The following SLC9B1 variants were observed in gnomAD, a reference collection of about 807,000 sequenced individuals.
SLC9B1 encodes the protein sodium/hydrogen exchanger 9B1.
Under a neutral mutation model 51.7 loss-of-function variants are expected in SLC9B1, and 32 were observed. The ratio of observed to expected loss-of-function variants is 0.62; its 90% CI spans 0.47 to 0.83. SLC9B1 has a LOEUF of 0.83. SLC9B1 is among the 40% of genes least tolerant of loss of function. The pLI is 0.00. For synonymous variants in SLC9B1, 145 were observed against 212.7 expected (o/e 0.68, Z 2.77); for missense variants, 406 against 613.2 (o/e 0.66, Z 3.57).
At chr4:102,932,783 C>A (rs1736523937) in intron 6 of SLC9B1, among the ~76,000 whole-genome samples, 1 of 152,156 alleles carries the variant, frequency 6.6e-6, no homozygotes, top group Non-Finnish European at 1.5e-5. Flanking sequence ...GCAGGAGAGA[C>A]CTCTGGGGAA....
chr4:102,944,683 T>C (rs904287551), intron 6 of SLC9B1, among the ~76,000 whole-genome samples: 4 of 152,226 alleles, frequency 2.6e-5, no homozygotes, highest in African/African-American at 7.2e-5. Flanking sequence ...TACAGACTTA[T>C]TTTGAGGAAT....
chr4:102,930,997 G>A (rs1736422022), intron 7 of SLC9B1, among the ~76,000 whole-genome samples: 1 of 151,924 alleles, frequency 6.6e-6, no homozygotes, highest in African/African-American at 2.4e-5. Flanking sequence ...GGCCGAGGCG[G>A]GCGGATCATG....
At position 102,951,960 on chromosome 4, in the gene SLC9B1, C is replaced by CT. The variant is rs765709645; in HGVS notation, c.212-2534dup. Among the ~76,000 whole-genome samples the CT allele has an allele frequency of 2.6e-3, 17 of 6,552 alleles. 5 individuals carry two copies. Among genetic ancestry groups the CT allele is most frequent in the Admixed American group, 0.013 (5 of 400 alleles). The allele number at this position is 6,552 out of a possible 152,430, so 4.3% of individuals were successfully genotyped here. ...AGACTACCAAAGGCAAAAATAAAAT[C>CT]TTTTTTTTTTTTTTTTTTTTATTAT... On this transcript the variant is annotated intron_variant, in intron 3 of 11. Transcript: ENST00000296422.
rs529485128 is a variant in SLC9B1 at position 102,916,160 on chromosome 4, A to T, written c.830-4623T>A. Among the ~76,000 whole-genome samples the T allele has an allele frequency of 1.7e-4, 26 of 152,340 alleles. No homozygotes were observed. In the South Asian group the frequency reaches 5.2e-3, roughly 30 times the overall value. On this transcript the variant is annotated intron_variant, in intron 7 of 11. Coordinates refer to ENST00000296422, the MANE Select transcript of SLC9B1 (RefSeq NM_139173.4). The stretch of plus-strand genomic sequence containing the variant: ...CAAAAGACAGAGATTGGCCAAATGG[A>T]TTTAAAAAAATCTAAATATATACTA...
chr4:102,932,888 A>G (rs1436710790), intron 6 of SLC9B1, among the ~76,000 whole-genome samples: 1 of 152,174 alleles, frequency 6.6e-6, no homozygotes, highest in Non-Finnish European at 1.5e-5. Context: ...TAAGTAAGTA[A>G]GGAAGGAAGG....
chr4:102,946,429 G>A (rs1179842067), intron 5 of SLC9B1, among the ~76,000 whole-genome samples: 1 of 151,440 alleles, frequency 6.6e-6, no homozygotes, highest in East Asian at 1.9e-4. Context: ...TCTTGCCTCA[G>A]CCTCCCGAGT....
chr4:102,950,047 T>A (rs1294945662), intron 3 of SLC9B1, among the ~76,000 whole-genome samples: 4 of 152,200 alleles, frequency 2.6e-5, no homozygotes, highest in Admixed American at 1.3e-4. Flanking sequence ...AAAAACATCA[T>A]GGCAATATGA....
intron 9 of SLC9B1, 85 bp from the exon 10 acceptor site, chr4:102,906,729 T>C (rs76415447): frequency 1.2e-6 from 1 of 850,382 alleles, no homozygotes; most frequent in Non-Finnish European, 1.8e-6. Flanking sequence ...CCTTTTTTTT[T>C]TCATTTTTTA....
chr4:102,979,987 A>G (rs1739272458), intron 3 of SLC9B1, among the ~76,000 whole-genome samples: 1 of 152,236 alleles, frequency 6.6e-6, no homozygotes, highest in South Asian at 2.1e-4. Flanking sequence ...CAGCAAACGT[A>G]TGAAAAAAAG....
intron 7 of SLC9B1, among the ~76,000 whole-genome samples, chr4:102,922,119 C>A (rs1327306895): frequency 6.6e-6 from 1 of 152,214 alleles, no homozygotes; most frequent in Admixed American, 6.5e-5. Context: ...TTCTTCTCAG[C>A]ACCACATCAC....
At chr4:102,954,829 T>C (rs1259056251) in intron 3 of SLC9B1, among the ~76,000 whole-genome samples, 1 of 152,172 alleles carries the variant, frequency 6.6e-6, no homozygotes, top group African/African-American at 2.4e-5. Context: ...AACACATTAC[T>C]AATGAAAATT....
At chr4:102,891,643 G>A (rs1156906477) in intron 11 of SLC9B1, 1 of 152,162 alleles carries the variant, frequency 6.6e-6, no homozygotes, top group Non-Finnish European at 1.5e-5. Flanking sequence ...TGACTTACTC[G>A]ATGATTGGAG....
intron 3 of SLC9B1, among the ~76,000 whole-genome samples, chr4:102,958,873 A>G (rs1387134237): frequency 6.6e-6 from 1 of 152,020 alleles, no homozygotes; most frequent in Non-Finnish European, 1.5e-5. Context: ...CAGTGAGCCG[A>G]GATCCCACCA....
chr4:102,998,605 T>TG (rs34149574), intron 1 of SLC9B1, among the ~76,000 whole-genome samples: 1 of 50,756 alleles, frequency 2.0e-5, no homozygotes, highest in Non-Finnish European at 3.5e-5. Flanking sequence ...CATCATATGG[T>TG]TTTTTTTTTT....
intron 7 of SLC9B1, 21 bp downstream of exon 7, chr4:102,932,102 GT>G: frequency 6.2e-7 from 1 of 1,609,678 alleles, no homozygotes; most frequent in South Asian, 1.1e-5. Flanking sequence ...TGATCTAGTG[GT>G]TGTTATATTT....
chr4:102,951,026 A>G (rs1402378197), intron 3 of SLC9B1, among the ~76,000 whole-genome samples: 1 of 152,010 alleles, frequency 6.6e-6, no homozygotes, highest in Non-Finnish European at 1.5e-5. Context: ...AACAGAAAAC[A>G]AAACAAAACA....
At chr4:102,980,067 A>C (rs111802203) in intron 3 of SLC9B1, among the ~76,000 whole-genome samples, 3 of 152,334 alleles carry the variant, frequency 2.0e-5, no homozygotes, top group African/African-American at 7.2e-5. Flanking sequence ...TGCCAGTCAG[A>C]ATGGTGATTA....
rs373076114 is a variant in SLC9B1, at chr4:102,920,123, G to T, written c.830-8586C>A. 1.8e-4 allele frequency among the ~76,000 whole-genome samples: 28 copies of T among 152,348 alleles called. No homozygotes were observed. In the South Asian group the frequency reaches 3.7e-3, roughly 20 times the overall value. On this transcript the variant is annotated intron_variant, in intron 7 of 11. Coordinates refer to ENST00000296422, the MANE Select transcript of SLC9B1 (RefSeq NM_139173.4). The stretch of plus-strand genomic sequence containing the variant: ...CAAGTGGGTCCCTGACCCCTGTGTA[G>T]CCTAACTGGGACACACCTGCCAGTA...
intron 3 of SLC9B1, among the ~76,000 whole-genome samples, chr4:102,967,097 G>A (rs1442950839): frequency 2.6e-5 from 4 of 152,266 alleles, no homozygotes; most frequent in Admixed American, 2.0e-4. Context: ...TTCTATCTGA[G>A]ATCTCATTAG....
Sources: gnomAD v4.1 joint callset for allele counts (sites outside exome capture counted in the v4.1 genomes callset) on GRCh38, gnomAD v4.1.1 for gene constraint, MANE v1.5 for transcripts, NCBI Gene and HGNC (gene_info 2026-07-23, HGNC 2026-07-21) for gene names.